The following TICRR variants were observed in gnomAD, a reference collection of about 807,000 sequenced individuals.
The protein encoded by TICRR is treslin.
In TICRR, 132 loss-of-function variants were observed where a neutral mutation model predicts 178.1. The ratio of observed to expected loss-of-function variants is 0.74; its 90% CI spans 0.64 to 0.86. The LOEUF is 0.86. Among genes scored for constraint, TICRR ranks in the 40% least tolerant of loss-of-function variants. TICRR has a pLI of 0.00. For synonymous variants in TICRR, 991 were observed against 900.7 expected (o/e 1.10, Z -1.79); for missense variants, 2,587 against 2,334.3 (o/e 1.11, Z -2.23).
chr15:89,601,490 T>G lies in TICRR; in HGVS notation c.2249T>G (p.Val750Gly), dbSNP rs896661240. The G allele has an allele frequency of 1.2e-6, 2 of 1,614,194 alleles. No individual in the cohort carries two copies. Among genetic ancestry groups the G allele is most frequent in the Middle Eastern group, 1.6e-4 (1 of 6,062 alleles). Residue 750 changes from valine to glycine, a missense_variant and splice_region_variant, in exon 11 of 22, where the codon GTG becomes GGG. Transcript: ENST00000268138. ...TDDMEQVVEE[V>G]TDLLRMVCLT... ...GTAACGTTCTAAAATCTCCTTCAGGTGACAGATTTGCTGCGCATGGTGTGT... is the reference window on the plus strand; with the variant it reads ...GTAACGTTCTAAAATCTCCTTCAGGGGACAGATTTGCTGCGCATGGTGTGT...
At chr15:89,599,162 C>T (rs1963050357) in intron 7 of TICRR, among the ~76,000 whole-genome samples, 162 bp from the exon 8 acceptor site, 1 of 151,526 alleles carries the variant, frequency 6.6e-6, no homozygotes. Flanking sequence ...ACTAGATGGC[C>T]AGCAGCCACC....
Position 89,601,496 on chromosome 15 carries a change from AT to A in TICRR, c.2258del (p.Leu753CysfsTer7), listed in dbSNP as rs1963095852. Reference protein sequence around the residue: ...DMEQVVEEVTDLLRMVCLTED... With the variant: ...DMEQVVEEVTXLLRMVCLTED... ...TTCTAAAATCTCCTTCAGGTGACAG[AT>A]TTGCTGCGCATGGTGTGTTTAACTG... On this transcript the variant is annotated frameshift_variant, in exon 11 of 22. Transcript: ENST00000268138. LOFTEE classifies it high-confidence loss of function. 6.2e-7 allele frequency: 1 copy of A among 1,614,086 alleles called. No individual in the cohort carries two copies. Among genetic ancestry groups the A allele is most frequent in the Non-Finnish European group, 8.5e-7 (1 of 1,180,034 alleles).
In TICRR at chr15:89,594,414, G is replaced by A; in HGVS notation, c.1542-1G>A. On this transcript the variant is annotated splice_acceptor_variant, in intron 5 of 21. Coordinates refer to ENST00000268138, the MANE Select transcript of TICRR (RefSeq NM_152259.4). LOFTEE classifies it high-confidence loss of function. ...TTATTCTAGACATCTTGACTTCACA[G>A]GTTACTACAGGCTGCCTCAGCTAAT... The A allele has an allele frequency of 3.7e-6, 6 of 1,607,640 alleles. No homozygotes were observed. The highest frequency in any genetic ancestry group is 5.1e-6 in the Non-Finnish European group (6 of 1,177,404).
chr15:89,595,296 T>A, intron 6 of TICRR, 97 bp from the exon 7 acceptor site: 1 of 853,594 alleles, frequency 1.2e-6, no homozygotes, highest in East Asian at 2.5e-5. Context: ...TATGCTTCAT[T>A]TTGATATTCT....
chr15:89,580,936 TG>T (rs1413601798), intron 1 of TICRR, among the ~76,000 whole-genome samples: 9 of 152,172 alleles, frequency 5.9e-5, no homozygotes, highest in Non-Finnish European at 1.0e-4. Context: ...CTCAGGAGGC[TG>T]GGGCGAGAGG....
At chr15:89,582,999 T>C in intron 2 of TICRR, 34 bp downstream of exon 2, 1 of 1,552,224 alleles carries the variant, frequency 6.4e-7, no homozygotes, top group Non-Finnish European at 8.7e-7. Context: ...TTTTTTTTTT[T>C]TAAATCTCAG....
At chr15:89,608,360 G>A (rs1054448295) in intron 14 of TICRR, among the ~76,000 whole-genome samples, 7 of 152,144 alleles carry the variant, frequency 4.6e-5, no homozygotes, top group Admixed American at 6.5e-5. Context: ...GTTTGAATTA[G>A]TTATCAAAAA....
chr15:89,602,132 A>G (rs1963108999), intron 12 of TICRR, among the ~76,000 whole-genome samples, 156 bp downstream of exon 12: 1 of 152,206 alleles, frequency 6.6e-6, no homozygotes, highest in Non-Finnish European at 1.5e-5. Flanking sequence ...TAGAGCTCCT[A>G]ATAGGAGCAT....
chr15:89,584,324 G>C lies in TICRR; in HGVS notation c.973G>C (p.Glu325Gln), dbSNP rs1738842369. 6.2e-7 allele frequency: 1 copy of C among 1,613,898 alleles called. No individual in the cohort carries two copies. Among genetic ancestry groups the C allele is most frequent in the African/African-American group, 1.3e-5 (1 of 74,868 alleles). Residue 325 changes from glutamate (E) to glutamine (Q), a missense_variant, in exon 3 of 22, where the codon GAG (glutamate) becomes CAG (glutamine). Glu to Gln is a conservative substitution (Grantham distance 29). Transcript: ENST00000268138. The part of the protein sequence containing the change: ...EIQETWTVTL[E>Q]PLAMHQRHFQ... ...TCAAGAAACATGGACAGTCACCCTAGAGCCCTTGGCCATGCATCAGAGACA... is the reference window on the plus strand; with the variant it reads ...TCAAGAAACATGGACAGTCACCCTACAGCCCTTGGCCATGCATCAGAGACA...
At position 89,624,048 on chromosome 15, in the gene TICRR, C is replaced by A. The variant is rs905912735; in HGVS notation, c.3738C>A (p.Asp1246Glu). Residue 1246 changes from aspartate (D) to glutamate (E), a missense_variant, in exon 20 of 22, where the codon GAC becomes GAA. Transcript: ENST00000268138. ...GAGAGTGTCTCACTCCCATCAGAGA[C>A]CCTCTCAGAACACCTCCGAGAGCAG... ...PRRECLTPIR[D>E]PLRTPPRAAA... 5.6e-6 allele frequency: 9 copies of A among 1,613,878 alleles called. No individual in the cohort carries two copies. In the Admixed American group the frequency reaches 1.2e-4, roughly 21 times the overall value.
chr15:89,626,856 A>T, intron 21 of TICRR, 100 bp from the exon 22 acceptor site: 1 of 1,338,582 alleles, frequency 7.5e-7, no homozygotes, highest in Non-Finnish European at 1.0e-6. Context: ...TGATTTTCTT[A>T]AAGTCTGTTT....
At chr15:89,620,663 T>C (rs1963408712) in intron 18 of TICRR, among the ~76,000 whole-genome samples, 1 of 152,212 alleles carries the variant, frequency 6.6e-6, no homozygotes, top group African/African-American at 2.4e-5. Context: ...CGAGTTGCTC[T>C]CAAAAATTGT....
intron 14 of TICRR, among the ~76,000 whole-genome samples, chr15:89,608,584 C>A (rs773644498): frequency 5.3e-5 from 8 of 152,102 alleles, no homozygotes; most frequent in Non-Finnish European, 8.8e-5. Context: ...CTACCTCATG[C>A]AAAATAACAT....
At chr15:89,613,734 C>CTTTTTTTTTTTTTTTTTTTTCT (rs1963288808) in intron 15 of TICRR, among the ~76,000 whole-genome samples, 1 of 61,570 alleles carries the variant, frequency 1.6e-5, no homozygotes. Flanking sequence ...TTTCTATTCG[C>CTTTTTTTTTTTTTTTTTTTTCT]TTTTTTTTTT....
At chr15:89,618,689 G>A (rs964890698) in intron 17 of TICRR, among the ~76,000 whole-genome samples, 11 of 152,212 alleles carry the variant, frequency 7.2e-5, no homozygotes, top group African/African-American at 1.2e-4. Flanking sequence ...CAGCAGGTGT[G>A]GTGGTTCACG....
In TICRR at chr15:89,625,928, C is replaced by G. The variant is rs191385868; in HGVS notation, c.5477-8C>G. The G allele has an allele frequency of 1.3e-4, 202 of 1,556,598 alleles. 1 individual carries two copies. The highest frequency in any genetic ancestry group is 1.8e-4 in the Admixed American group (9 of 49,286). On this transcript the variant is annotated splice_polypyrimidine_tract_variant and splice_region_variant and intron_variant, in intron 20 of 21. Coordinates refer to ENST00000268138, the MANE Select transcript of TICRR (RefSeq NM_152259.4). ...GGACGCTGCTCTTACTATGTGGGAT[C>G]TCTTTAGGCTCCACCCCACCTCCCA...
At chr15:89,604,860 A>G (rs7162852) in intron 13 of TICRR, among the ~76,000 whole-genome samples, 151,001 of 152,096 alleles carry the variant, frequency 0.99, 74,972 homozygotes, top group Middle Eastern at 1. Flanking sequence ...ATAAGTGACA[A>G]TTGTTTAACT....
At chr15:89,617,401 T>C (rs1963352300) in intron 16 of TICRR, among the ~76,000 whole-genome samples, 1 of 152,250 alleles carries the variant, frequency 6.6e-6, no homozygotes, top group Non-Finnish European at 1.5e-5. Flanking sequence ...TGAATGTTGC[T>C]GCTCATTACT....
chr15:89,603,441 C>T (rs1302384407), intron 13 of TICRR, among the ~76,000 whole-genome samples: 1 of 152,032 alleles, frequency 6.6e-6, no homozygotes, highest in Non-Finnish European at 1.5e-5. Flanking sequence ...AAAAATTAGC[C>T]AGGCATGGTG....
Sources: allele counts gnomAD v4.1 joint callset (sites outside exome capture counted in the v4.1 genomes callset), GRCh38; gene constraint gnomAD v4.1.1; transcripts MANE v1.5; gene names NCBI Gene and HGNC (gene_info 2026-07-23, HGNC 2026-07-21).